The following PCSK2 variants were observed in gnomAD, a reference collection of about 807,000 sequenced individuals.
The protein encoded by PCSK2 is neuroendocrine convertase 2.
Under a neutral mutation model 69.7 loss-of-function variants are expected in PCSK2, and 14 were observed. The observed-to-expected ratio is 0.20, with a 90% confidence interval of 0.13 to 0.31. The LOEUF (loss-of-function observed/expected upper bound fraction) is 0.31, where lower values mean the gene tolerates loss of function less well. Ranked by LOEUF, PCSK2 falls within the 10% of genes least tolerant of loss-of-function variation. PCSK2 has a pLI of 1.00. For synonymous variants in PCSK2, 307 were observed against 320.7 expected (o/e 0.96, Z 0.46); for missense variants, 544 against 842.5 (o/e 0.65, Z 4.39).
At chr20:17,331,665 C>T (rs542721398) in intron 2 of PCSK2, among the ~76,000 whole-genome samples, 1 of 152,020 alleles carries the variant, frequency 6.6e-6, no homozygotes, top group East Asian at 1.9e-4. Flanking sequence ...CTACTGTGAA[C>T]CACTCAGAAT....
intron 5 of PCSK2, among the ~76,000 whole-genome samples, chr20:17,371,376 A>G (rs62201010): frequency 0.21 from 32,571 of 152,152 alleles, 3,636 homozygotes; most frequent in Middle Eastern, 0.31. Flanking sequence ...GGTGTGATCC[A>G]TCTGCCAAAA....
At chr20:17,234,285 A>AT (rs1367755295) in intron 1 of PCSK2, among the ~76,000 whole-genome samples, 25 of 152,294 alleles carry the variant, frequency 1.6e-4, no homozygotes, top group Admixed American at 1.4e-3. Flanking sequence ...AATAGAACCC[A>AT]TTCTACACAC....
chr20:17,428,997 CAAAAAAAAAAAAA>C (rs60206058), intron 6 of PCSK2, among the ~76,000 whole-genome samples: 1,013 of 36,962 alleles, frequency 0.027, 13 homozygotes, highest in South Asian at 0.07. Flanking sequence ...GACTCTGTCT[CAAAAAAAAAAAAA>C]AAAAAAAAAA....
chr20:17,241,218 A>T (rs1986559352), intron 1 of PCSK2, among the ~76,000 whole-genome samples: 1 of 152,190 alleles, frequency 6.6e-6, no homozygotes, highest in South Asian at 2.1e-4. Flanking sequence ...AAGAGGTTTA[A>T]AGGAAGAGGT....
intron 6 of PCSK2, among the ~76,000 whole-genome samples, chr20:17,427,098 T>C (rs2123333537): frequency 6.6e-6 from 1 of 152,342 alleles, no homozygotes; most frequent in Admixed American, 6.5e-5. Flanking sequence ...CACATCTATC[T>C]AAGCTTCAGT....
intron 4 of PCSK2, among the ~76,000 whole-genome samples, chr20:17,364,919 G>A (rs920826948): frequency 5.3e-5 from 8 of 152,084 alleles, no homozygotes; most frequent in African/African-American, 1.2e-4. Context: ...AGCTGGGACC[G>A]TCAAAAAGAG....
intron 7 of PCSK2, among the ~76,000 whole-genome samples, chr20:17,431,901 G>T (rs967733924): frequency 2.0e-5 from 3 of 152,106 alleles, no homozygotes; most frequent in Non-Finnish European, 2.9e-5. Context: ...CTTTCCATTC[G>T]GGAGCTTTCT....
At chr20:17,427,499 A>G (rs888980087) in intron 6 of PCSK2, among the ~76,000 whole-genome samples, 1 of 152,196 alleles carries the variant, frequency 6.6e-6, no homozygotes, top group Non-Finnish European at 1.5e-5. Context: ...TCCAGCTGTG[A>G]ACCCTGGCTC....
intron 2 of PCSK2, among the ~76,000 whole-genome samples, chr20:17,348,031 GAAGAAAGAAAGAAAGAAAGGAAAGAAAGA>G (rs1170089508): frequency 0.013 from 934 of 71,902 alleles, 5 homozygotes; most frequent in Middle Eastern, 0.03. Flanking sequence ...GAGAAAGAAA[GAAGAAAGAAAGAAAGAAAGGAAAGAAAGA>G]AAGAAAGAAA....
chr20:17,303,394 A>T (rs947431662), intron 2 of PCSK2, among the ~76,000 whole-genome samples: 1 of 115,574 alleles, frequency 8.7e-6, no homozygotes, highest in Non-Finnish European at 1.7e-5. Context: ...TATAATATAT[A>T]ATATATGTAA....
chr20:17,358,527 A>G, intron 3 of PCSK2, 87 bp downstream of exon 3: 1 of 775,284 alleles, frequency 1.3e-6, no homozygotes, highest in South Asian at 1.6e-5. Flanking sequence ...ATTCACTAGG[A>G]TGTTAGCCAG....
rs77855819 is a variant in PCSK2 at position 17,255,842 on chromosome 20, T to C, written c.178-4398T>C. ...GGTTATGATGAAAATCCTTTTTATA[T>C]GTGACTGGATTCAGTTTGCTACTAT... On this transcript the variant is annotated intron_variant, in intron 1 of 11. Coordinates refer to ENST00000262545, the MANE Select transcript of PCSK2 (RefSeq NM_002594.5). Among the ~76,000 whole-genome samples, 51 of 152,308 alleles carry C rather than the reference T, an allele frequency of 3.3e-4. No individual in the cohort carries two copies. The East Asian group carries it at 9.8e-3, about 29-fold the overall frequency.
intron 2 of PCSK2, among the ~76,000 whole-genome samples, chr20:17,349,188 C>T (rs545046532): frequency 1.3e-5 from 2 of 152,306 alleles, no homozygotes; most frequent in Admixed American, 1.3e-4. Flanking sequence ...GGAGACCCCA[C>T]AGCCAGAGAA....
intron 2 of PCSK2, among the ~76,000 whole-genome samples, chr20:17,295,853 G>C (rs1800680239): frequency 6.6e-6 from 1 of 152,086 alleles, no homozygotes; most frequent in Non-Finnish European, 1.5e-5. Context: ...ACCGTGTCTG[G>C]CCTCTCACTT....
rs1259284784 is a variant in PCSK2, at chr20:17,431,999, G to A, written c.709+2476G>A. Among the ~76,000 whole-genome samples the A allele has an allele frequency of 3.3e-5, 5 of 152,098 alleles. No homozygotes were observed. The East Asian group carries it at 5.8e-4, about 18-fold the overall frequency. ...GAGGTGTTCGTTCGTTACAGGTTAGGGGGGCGCCCCTGTGATGTCTGAGGT... is the reference window on the plus strand; with the variant it reads ...GAGGTGTTCGTTCGTTACAGGTTAGAGGGGCGCCCCTGTGATGTCTGAGGT... On this transcript the variant is annotated intron_variant, in intron 7 of 11. Coordinates refer to ENST00000262545, the MANE Select transcript of PCSK2 (RefSeq NM_002594.5).
At chr20:17,442,712 C>G (rs2032622347) in intron 8 of PCSK2, among the ~76,000 whole-genome samples, 2 of 152,144 alleles carry the variant, frequency 1.3e-5, no homozygotes, top group African/African-American at 4.8e-5. Context: ...TGAAATGCTC[C>G]CAATAACGTC....
At chr20:17,275,810 A>G (rs2123034448) in intron 2 of PCSK2, among the ~76,000 whole-genome samples, 1 of 152,236 alleles carries the variant, frequency 6.6e-6, no homozygotes, top group East Asian at 1.9e-4. Context: ...TAACCTTCTA[A>G]TCTCTCTGGA....
rs74558783 is a variant in PCSK2 at position 17,331,274 on chromosome 20, G to A, written c.283-27053G>A. 6.3e-3 allele frequency among the ~76,000 whole-genome samples: 960 copies of A among 152,282 alleles called. 8 individuals are homozygous for A. Among genetic ancestry groups the A allele is most frequent in the South Asian group, 0.017 (81 of 4,828 alleles). ...GAATGTTTCAGCACATCTGCAGCAC[G>A]TTGGACATTATTAGATTCTCAAATA... On this transcript the variant is annotated intron_variant, in intron 2 of 11. Transcript: ENST00000262545.
chr20:17,472,237 T>C (rs917918988), intron 11 of PCSK2, among the ~76,000 whole-genome samples: 15 of 152,184 alleles, frequency 9.9e-5, no homozygotes, highest in Non-Finnish European at 1.6e-4. Flanking sequence ...TGCCAAAATA[T>C]GTGATCCAGC....
Sources: gnomAD v4.1 joint callset for allele counts (sites outside exome capture counted in the v4.1 genomes callset) on GRCh38, gnomAD v4.1.1 for gene constraint, MANE v1.5 for transcripts, NCBI Gene and HGNC (gene_info 2026-07-23, HGNC 2026-07-21) for gene names.